The following SYT1 variants were observed in gnomAD, a reference collection of about 807,000 sequenced individuals.
SYT1 encodes the protein synaptotagmin 1, also known as synaptotagmin-1.
In SYT1, 8 loss-of-function variants were observed where a neutral mutation model predicts 44.8. The ratio of observed to expected loss-of-function variants is 0.18; its 90% confidence interval spans 0.10 to 0.32. SYT1 has a LOEUF of 0.32. Ranked by LOEUF, SYT1 falls within the 10% of genes least tolerant of loss-of-function variation. The pLI is 1.00. For missense variants in SYT1, 286 were observed against 509.3 expected, an observed-to-expected ratio of 0.56 and a Z score of 4.22; for synonymous variants, 154 against 188.8, an observed-to-expected ratio of 0.82 and a Z score of 1.51.
chr12:79,201,431 T>C lies in SYT1; in HGVS notation c.-17-16072T>C, dbSNP rs148700474. On this transcript the variant is annotated intron_variant, in intron 3 of 10. Transcript: ENST00000261205. ...TACTTTCAGTTCTGTGTAAGTCAAA[T>C]CGATGTTGCTATAAGGCCAAAGGAT... Among the ~76,000 whole-genome samples the C allele has an allele frequency of 4.5e-3, 687 of 152,234 alleles. 6 individuals are homozygous for C. Among genetic ancestry groups the C allele is most frequent in the African/African-American group, 0.016 (648 of 41,552 alleles).
At chr12:79,140,634 A>G (rs1222779509) in intron 3 of SYT1, among the ~76,000 whole-genome samples, 4 of 152,226 alleles carry the variant, frequency 2.6e-5, no homozygotes, top group African/African-American at 9.6e-5. Flanking sequence ...AATGCTTATC[A>G]GCACCTCATT....
chr12:79,063,398 G>C (rs1875528755), intron 3 of SYT1, among the ~76,000 whole-genome samples: 1 of 152,092 alleles, frequency 6.6e-6, no homozygotes, highest in Non-Finnish European at 1.5e-5. Context: ...AGACCCAGCT[G>C]CTCTGCCCCT....
chr12:78,910,536 T>G (rs745787991), intron 1 of SYT1, among the ~76,000 whole-genome samples: 6 of 152,010 alleles, frequency 3.9e-5, no homozygotes, highest in Non-Finnish European at 7.4e-5. Flanking sequence ...AAACATTTAT[T>G]TGTTGATTCA....
At chr12:79,195,697 A>G (rs898962468) in intron 3 of SYT1, among the ~76,000 whole-genome samples, 1 of 152,186 alleles carries the variant, frequency 6.6e-6, no homozygotes, top group Non-Finnish European at 1.5e-5. Context: ...CACTGAAAGT[A>G]ATGATTTAGG....
intron 8 of SYT1, among the ~76,000 whole-genome samples, chr12:79,304,197 G>T (rs1233091674): frequency 6.6e-6 from 1 of 152,180 alleles, no homozygotes; most frequent in Non-Finnish European, 1.5e-5. Flanking sequence ...TAATCACAGA[G>T]GCAAGAACAC....
chr12:79,204,869 C>T (rs1240990465), intron 3 of SYT1, among the ~76,000 whole-genome samples: 1 of 132,082 alleles, frequency 7.6e-6, no homozygotes, highest in Non-Finnish European at 1.6e-5. Flanking sequence ...CTGCAAGCTC[C>T]GCCTCAGTTC....
chr12:79,003,479 CCT>C (rs1870874988), intron 2 of SYT1, among the ~76,000 whole-genome samples: 1 of 151,846 alleles, frequency 6.6e-6, no homozygotes, highest in Admixed American at 6.6e-5. Flanking sequence ...TTATCAAAAG[CCT>C]CATAAATATG....
At chr12:79,361,210 A>G (rs1883303125) in intron 9 of SYT1, among the ~76,000 whole-genome samples, 1 of 152,212 alleles carries the variant, frequency 6.6e-6, no homozygotes, top group Admixed American at 6.5e-5. Context: ...AATGCTTTAC[A>G]TATGGCTAAC....
chr12:79,361,236 T>A lies in SYT1; in HGVS notation c.928+7617T>A, dbSNP rs539441650. Among the ~76,000 whole-genome samples, 5 of 152,298 alleles carry A rather than the reference T, an allele frequency of 3.3e-5. No homozygotes were observed. The East Asian group carries it at 7.7e-4, about 24-fold the overall frequency. ...TATGGCTAACTGATTTAATCCCCAG[T>A]ACAACCCTATGAGGTAGATACTATT... On this transcript the variant is annotated intron_variant, in intron 9 of 10. Transcript: ENST00000261205.
chr12:78,878,178 C>T (rs372873940), intron 1 of SYT1, among the ~76,000 whole-genome samples: 9 of 151,306 alleles, frequency 5.9e-5, no homozygotes, highest in Admixed American at 2.0e-4. Flanking sequence ...TCTTGTAGAT[C>T]GGAAGAGGAT....
intron 2 of SYT1, among the ~76,000 whole-genome samples, chr12:78,994,534 ATTTTTTT>A (rs1158976321): frequency 7.2e-5 from 4 of 55,584 alleles, no homozygotes; most frequent in African/African-American, 2.9e-4. Flanking sequence ...TGTTCTGAGG[ATTTTTTT>A]TTTTTTTTTT....
intron 3 of SYT1, among the ~76,000 whole-genome samples, chr12:79,173,991 T>A (rs1166358047): frequency 6.6e-6 from 1 of 152,042 alleles, no homozygotes; most frequent in African/African-American, 2.4e-5. Flanking sequence ...CCAGTATCTG[T>A]GTCAGTCTAG....
At chr12:79,267,252 C>T (rs1878183357) in intron 4 of SYT1, among the ~76,000 whole-genome samples, 1 of 152,052 alleles carries the variant, frequency 6.6e-6, no homozygotes, top group African/African-American at 2.4e-5. Context: ...ATCTCAATAA[C>T]ATTAAATTGC....
intron 2 of SYT1, among the ~76,000 whole-genome samples, chr12:78,983,551 A>G (rs943706450): frequency 6.6e-6 from 1 of 152,096 alleles, no homozygotes; most frequent in Admixed American, 6.6e-5. Context: ...TACATTTACT[A>G]TATGTACTTG....
intron 8 of SYT1, among the ~76,000 whole-genome samples, chr12:79,304,799 ATATAGT>A (rs1428417798): frequency 6.6e-6 from 1 of 151,984 alleles, no homozygotes; most frequent in Admixed American, 6.6e-5. Context: ...AATATAGTAG[ATATAGT>A]TTAGTAGTAT....
intron 9 of SYT1, chr12:79,392,798 C>CTTTTTT (rs755888075): frequency 8.9e-4 from 88 of 98,692 alleles, no homozygotes; most frequent in African/African-American, 1.2e-3. Context: ...ATTTTTCTTT[C>CTTTTTT]TTTTTTTTTT....
intron 1 of SYT1, among the ~76,000 whole-genome samples, chr12:78,922,569 T>C (rs1009418607): frequency 1.3e-5 from 2 of 151,904 alleles, no homozygotes; most frequent in Non-Finnish European, 2.9e-5. Context: ...TGTTTTAAAG[T>C]CACTTCCAGG....
intron 3 of SYT1, among the ~76,000 whole-genome samples, chr12:79,094,189 G>C (rs1251026521): frequency 1.3e-5 from 2 of 151,576 alleles, no homozygotes; most frequent in Non-Finnish European, 3.0e-5. Flanking sequence ...TGAAAGATTT[G>C]AGAAACCTTT....
At chr12:79,040,936 A>G (rs1873514144) in intron 2 of SYT1, among the ~76,000 whole-genome samples, 1 of 150,878 alleles carries the variant, frequency 6.6e-6, no homozygotes, top group Non-Finnish European at 1.5e-5. Context: ...ATAGTTGTAG[A>G]TATGCGGCGT....
Sources: gnomAD v4.1 joint callset for allele counts (sites outside exome capture counted in the v4.1 genomes callset) on GRCh38, gnomAD v4.1.1 for gene constraint, MANE v1.5 for transcripts, NCBI Gene and HGNC (gene_info 2026-07-23, HGNC 2026-07-21) for gene names.